SARS2: variants seen among roughly 807,000 people sequenced by gnomAD.
SARS2 encodes the protein seryl-tRNA synthetase 2, mitochondrial, also known as serine--tRNA ligase, mitochondrial.
A neutral mutation model predicts 66.8 loss-of-function variants in SARS2; 52 were observed. That is an observed-to-expected ratio of 0.78 (90% CI 0.62 to 0.98). The LOEUF (loss-of-function observed/expected upper bound fraction) is 0.98, where lower values mean the gene tolerates loss of function less well. Among genes scored for constraint, SARS2 ranks in the 50% least tolerant of loss-of-function variants. SARS2 has a pLI of 0.00. For synonymous variants in SARS2, 306 were observed against 281.4 expected (o/e 1.09, Z -0.87); for missense variants, 673 against 706.3 (o/e 0.95, Z 0.53).
chr19:38,920,669 A>G (rs902880506), intron 5 of SARS2, among the ~76,000 whole-genome samples: 16 of 151,882 alleles, frequency 1.1e-4, no homozygotes, highest in African/African-American at 3.9e-4. Flanking sequence ...ACACGCAGAG[A>G]CAGACACACA....
At chr19:38,920,574 C>T (rs1457693515) in intron 5 of SARS2, among the ~76,000 whole-genome samples, 1 of 151,938 alleles carries the variant, frequency 6.6e-6, no homozygotes, top group Non-Finnish European at 1.5e-5. Flanking sequence ...CACACTCACA[C>T]ACATACATAC....
chr19:38,920,051 G>A (rs1431642238), intron 6 of SARS2, 35 bp downstream of exon 6: 1 of 1,541,296 alleles, frequency 6.5e-7, no homozygotes, highest in Non-Finnish European at 8.8e-7. Context: ...CAGGCAGCTG[G>A]GAGAGGGGCG....
chr19:38,922,172 G>A (rs913267923), intron 3 of SARS2, 66 bp downstream of exon 3: 29 of 1,599,244 alleles, frequency 1.8e-5, no homozygotes, highest in South Asian at 3.3e-5. Context: ...TAGTAGAATC[G>A]TGACTGGCAG....
chr19:38,924,194 A>G (rs17545254), intron 2 of SARS2, among the ~76,000 whole-genome samples: 111,766 of 151,878 alleles, frequency 0.74, 42,415 homozygotes, highest in East Asian at 0.97. Flanking sequence ...ATGGAAGCTC[A>G]GAGAGGTAAA....
chr19:38,924,075 T>C (rs1974588407), intron 2 of SARS2, among the ~76,000 whole-genome samples: 1 of 150,246 alleles, frequency 6.7e-6, no homozygotes, highest in Non-Finnish European at 1.5e-5. Flanking sequence ...GAGGTTGCAG[T>C]GAGCCGAGAT....
chr19:38,926,325 A>G, intron 1 of SARS2, 25 bp from the exon 2 acceptor site: 1 of 1,596,904 alleles, frequency 6.3e-7, no homozygotes, highest in Admixed American at 1.7e-5. Flanking sequence ...AGAGAAAAGG[A>G]GATGAAGCAG....
At position 38,921,537 on chromosome 19, in the gene SARS2, T is replaced by C; in HGVS notation, c.524A>G (p.His175Arg). Residue 175 changes from histidine to arginine, a missense_variant, in exon 4 of 16, where the codon CAC becomes CGC. Physicochemically the swap from His to Arg is conservative, Grantham distance 29 (BLOSUM62 0). Coordinates refer to ENST00000221431, the MANE Select transcript of SARS2 (RefSeq NM_017827.4). Reference protein sequence around the residue: ...LQALKLPNQTHPDVPVGDESQ... With the variant: ...LQALKLPNQTRPDVPVGDESQ... ...CAGCACGGTGCTCACCACGTCTGGG[T>C]GGGTCTGGTTGGGCAGCTTCAGCGC... 6.2e-7 allele frequency: 1 copy of C among 1,614,118 alleles called. No homozygotes were observed. The highest frequency in any genetic ancestry group is 8.5e-7 in the Non-Finnish European group (1 of 1,180,000).
In SARS2 at chr19:38,930,743, C is replaced by G; in HGVS notation, c.-7G>C. On this transcript the variant is annotated 5_prime_UTR_variant, in exon 1 of 16. Transcript: ENST00000221431. Reference sequence around the variant, plus strand: ...GCGCCATGGACGCAGCCATCTTGGACCGGGAACAAGGCGGCACTTCGTCCC... The same window carrying G: ...GCGCCATGGACGCAGCCATCTTGGAGCGGGAACAAGGCGGCACTTCGTCCC... The G allele has an allele frequency of 6.2e-7, 1 of 1,612,752 alleles. No individual in the cohort carries two copies. The highest frequency in any genetic ancestry group is 8.5e-7 in the Non-Finnish European group (1 of 1,180,018).
chr19:38,920,275 G>A, intron 5 of SARS2, 126 bp from the exon 6 acceptor site: 2 of 752,464 alleles, frequency 2.7e-6, no homozygotes, highest in Non-Finnish European at 4.7e-6. Flanking sequence ...CAGGAGGAGA[G>A]AAGGGAGAAG....
chr19:38,926,439 C>T (rs1600172011), intron 1 of SARS2, 139 bp from the exon 2 acceptor site: 1 of 734,436 alleles, frequency 1.4e-6, no homozygotes, highest in East Asian at 2.7e-5. Flanking sequence ...CTCCCCTCCT[C>T]CCTTCAGTAC....
chr19:38,928,146 T>G (rs1465526490), intron 1 of SARS2: 1 of 151,748 alleles, frequency 6.6e-6, no homozygotes, highest in Non-Finnish European at 1.5e-5. Flanking sequence ...TGGGAGGCCG[T>G]GGCCAGTGGA....
At position 38,921,193 on chromosome 19, in the gene SARS2, G is replaced by C. The variant is rs1485380953; in HGVS notation, c.589+199C>G. Among the ~76,000 whole-genome samples, 4 of 152,298 alleles carry C rather than the reference G, an allele frequency of 2.6e-5. No individual in the cohort carries two copies. The East Asian group carries it at 7.7e-4, about 29-fold the overall frequency. On this transcript the variant is annotated intron_variant, in intron 5 of 15. Coordinates refer to ENST00000221431, the MANE Select transcript of SARS2 (RefSeq NM_017827.4). ...GGTGAGACTGCCCAATGGTGAAGGG[G>C]GAGAGAATGAAAACCCAAGGACCGC...
At chr19:38,928,420 C>A (rs1473844918) in intron 1 of SARS2, 1 of 74,318 alleles carries the variant, frequency 1.3e-5, no homozygotes, top group Non-Finnish European at 2.5e-5. Context: ...CCCTGGCCCC[C>A]CCCCCCGCAA....
At position 38,918,082 on chromosome 19, in the gene SARS2, A is replaced by G; in HGVS notation, c.962+12T>C. On this transcript the variant is annotated intron_variant, in intron 10 of 15. Coordinates refer to ENST00000221431, the MANE Select transcript of SARS2 (RefSeq NM_017827.4). The stretch of plus-strand genomic sequence containing the variant: ...ACAGGTGGGGTCAAGGTCTAAGGAA[A>G]CCAGGTGTCACCTGACTGGCAGGTC... The G allele has an allele frequency of 6.2e-7, 1 of 1,606,154 alleles. No homozygotes were observed. Among genetic ancestry groups the G allele is most frequent in the Non-Finnish European group, 8.5e-7 (1 of 1,176,508 alleles).
rs1480813012 is a variant in SARS2 at position 38,922,231 on chromosome 19, A to C, written c.393+7T>G. The C allele has an allele frequency of 1.9e-6, 3 of 1,613,912 alleles. No individual in the cohort carries two copies. The highest frequency in any genetic ancestry group is 1.7e-5 in the Admixed American group (1 of 59,998). On this transcript the variant is annotated splice_region_variant and intron_variant, in intron 3 of 15. Coordinates refer to ENST00000221431, the MANE Select transcript of SARS2 (RefSeq NM_017827.4). ...ACCCTGGATAGGACATCAACTCTTC[A>C]CAGTACCTGCTGCACTTCACCACTG...
intron 2 of SARS2, among the ~76,000 whole-genome samples, chr19:38,924,212 A>C (rs886326684): frequency 6.6e-6 from 1 of 152,066 alleles, no homozygotes; most frequent in Non-Finnish European, 1.5e-5. Context: ...AAAGTCTATC[A>C]GTGTGCATTT....
intron 2 of SARS2, 100 bp downstream of exon 2, chr19:38,926,105 C>A: frequency 9.7e-7 from 1 of 1,026,332 alleles, no homozygotes; most frequent in South Asian, 1.3e-5. Context: ...CGTGAGCCAC[C>A]GTGCCAGCCT....
chr19:38,919,872 G>C lies in SARS2; in HGVS notation c.654-5C>G, dbSNP rs780950320. The C allele has an allele frequency of 1.9e-6, 3 of 1,612,226 alleles. No individual in the cohort carries two copies. Among genetic ancestry groups the C allele is most frequent in the South Asian group, 2.2e-5 (2 of 90,992 alleles). On this transcript the variant is annotated splice_polypyrimidine_tract_variant and splice_region_variant and intron_variant, in intron 6 of 15. Coordinates refer to ENST00000221431, the MANE Select transcript of SARS2 (RefSeq NM_017827.4). ...CCAGACACGTGGGACAGGCGCCTGG[G>C]AGACAGACAGACAGGCGGGTGCACA...
At position 38,918,084 on chromosome 19, in the gene SARS2, C is replaced by G; in HGVS notation, c.962+10G>C. 1 of 1,606,352 alleles carries G rather than the reference C, an allele frequency of 6.2e-7. No homozygotes were observed. On this transcript the variant is annotated intron_variant, in intron 10 of 15. Coordinates refer to ENST00000221431, the MANE Select transcript of SARS2 (RefSeq NM_017827.4). The stretch of plus-strand genomic sequence containing the variant: ...AGGTGGGGTCAAGGTCTAAGGAAAC[C>G]AGGTGTCACCTGACTGGCAGGTCCC...
Sources: gnomAD v4.1 joint callset for allele counts (sites outside exome capture counted in the v4.1 genomes callset) on GRCh38, gnomAD v4.1.1 for gene constraint, MANE v1.5 for transcripts, NCBI Gene and HGNC (gene_info 2026-07-23, HGNC 2026-07-21) for gene names.